Variants in CDH23 observed in about 807,000 individuals in gnomAD.
The protein encoded by CDH23 is cadherin related 23, also known as cadherin-23.
CDH23 carries 189 observed loss-of-function variants against 317.1 expected under a neutral mutation model. The observed-to-expected ratio is 0.60, with a 90% CI of 0.53 to 0.67. CDH23 has a LOEUF of 0.67. CDH23 is among the 30% of genes least tolerant of loss of function. The pLI, the probability that CDH23 is intolerant of heterozygous loss-of-function variation, is 0.00. For synonymous variants in CDH23, 1,839 were observed against 1,876.8 expected, an observed-to-expected ratio of 0.98 and a Z score of 0.52; for missense variants, 4,401 against 4,592.4, an observed-to-expected ratio of 0.96 and a Z score of 1.20.
chr10:71,712,593 T>A, intron 27 of CDH23, 72 bp from the exon 28 acceptor site: 2 of 1,562,974 alleles, frequency 1.3e-6, no homozygotes, highest in African/African-American at 1.4e-5. Flanking sequence ...TGCCCGGGAG[T>A]GTGCAAAGTC....
At chr10:71,686,246 G>A (rs1430292358) in intron 18 of CDH23, among the ~76,000 whole-genome samples, 3 of 151,896 alleles carry the variant, frequency 2.0e-5, no homozygotes, top group African/African-American at 4.8e-5. Flanking sequence ...ACACCGTTTC[G>A]TGCAGCCAAG....
At chr10:71,688,829 G>T (rs1406955448) in intron 19 of CDH23, among the ~76,000 whole-genome samples, 1 of 116,938 alleles carries the variant, frequency 8.6e-6, no homozygotes, top group Non-Finnish European at 1.9e-5. Flanking sequence ...AGCCAGGGGT[G>T]GTGGAGTCAG....
chr10:71,784,323 G>C lies in CDH23; in HGVS notation c.5405G>C (p.Arg1802Thr). Residue 1802 changes from arginine (R) to threonine (T), a missense_variant, in exon 42 of 70, where the codon AGG becomes ACG. Transcript: ENST00000224721. ...FVISPVEGVL[R>T]VRKDVELDRE... is the part of the protein sequence containing the mutation. ...ATCTCTCCTGTGGAGGGGGTGCTAA[G>C]GGTCCGGAAGGACGTGGAGCTGGAC... 6.2e-7 allele frequency: 1 copy of C among 1,613,926 alleles called. No individual in the cohort carries two copies. Among genetic ancestry groups the C allele is most frequent in the Non-Finnish European group, 8.5e-7 (1 of 1,179,818 alleles).
intron 28 of CDH23, 80 bp downstream of exon 28, chr10:71,712,893 G>T (rs1866038414): frequency 6.6e-7 from 1 of 1,524,430 alleles, no homozygotes; most frequent in East Asian, 2.4e-5. Context: ...CACATGCTCA[G>T]TGGCACCAGA....
Position 71,805,896 on chromosome 10 carries a change from A to G in CDH23, c.7963A>G (p.Thr2655Ala). The G allele has an allele frequency of 1.2e-6, 2 of 1,613,722 alleles. No individual in the cohort carries two copies. The highest frequency in any genetic ancestry group is 1.7e-6 in the Non-Finnish European group (2 of 1,179,818). ...NGAVRYSFLK[T>A]AGNRDWEFFI... Reference sequence around the variant, plus strand: ...GGCGGTGCGCTACAGCTTCCTGAAGACTGCGGGCAACCGGGACTGGGAGTT... The same window carrying G: ...GGCGGTGCGCTACAGCTTCCTGAAGGCTGCGGGCAACCGGGACTGGGAGTT... Residue 2655 changes from threonine (T) to alanine (A), a missense_variant, in exon 56 of 70, where the codon ACT becomes GCT. Physicochemically the swap from Thr to Ala is moderately conservative, Grantham distance 58 (BLOSUM62 0). Transcript: ENST00000224721.
chr10:71,662,831 G>A (rs1053457259), intron 14 of CDH23, among the ~76,000 whole-genome samples: 1 of 152,208 alleles, frequency 6.6e-6, no homozygotes, highest in African/African-American at 2.4e-5. Context: ...CTACAGAAAT[G>A]TATTCTCCTG....
chr10:71,728,143 G>T (rs1230370329), intron 30 of CDH23, among the ~76,000 whole-genome samples: 1 of 152,138 alleles, frequency 6.6e-6, no homozygotes, highest in Non-Finnish European at 1.5e-5. Context: ...GGAGTGGTTA[G>T]TTTCTGTTTA....
chr10:71,585,089 A>G (rs903458825), intron 9 of CDH23, among the ~76,000 whole-genome samples: 3 of 152,196 alleles, frequency 2.0e-5, no homozygotes, highest in African/African-American at 7.2e-5. Flanking sequence ...ATCTGCTAAC[A>G]GGCTGTGGCT....
chr10:71,787,050 G>A (rs529229670), intron 44 of CDH23, among the ~76,000 whole-genome samples: 4 of 152,280 alleles, frequency 2.6e-5, no homozygotes, highest in East Asian at 1.9e-4. Context: ...TGAGGTTTGC[G>A]AGTGTGAAGT....
intron 38 of CDH23, among the ~76,000 whole-genome samples, chr10:71,746,880 GC>G (rs1839863955): frequency 6.6e-6 from 1 of 152,210 alleles, no homozygotes; most frequent in Non-Finnish European, 1.5e-5. Flanking sequence ...CCCAGCAGCG[GC>G]CCCGTGACGG....
At chr10:71,631,344 A>G (rs140846574) in intron 11 of CDH23, among the ~76,000 whole-genome samples, 10 of 152,324 alleles carry the variant, frequency 6.6e-5, no homozygotes, top group Non-Finnish European at 1.2e-4. Context: ...GGGCAGCCCC[A>G]GGACACCCTG....
chr10:71,666,891 A>C (rs1419051233), intron 14 of CDH23, among the ~76,000 whole-genome samples: 1 of 152,228 alleles, frequency 6.6e-6, no homozygotes, highest in Non-Finnish European at 1.5e-5. Flanking sequence ...GTGAATGATG[A>C]ATGAGGAAAG....
chr10:71,510,305 T>A (rs757365152), intron 4 of CDH23, 81 bp downstream of exon 4: 27 of 1,516,260 alleles, frequency 1.8e-5, no homozygotes, highest in Non-Finnish European at 2.4e-5. Flanking sequence ...CCGCCATCTT[T>A]TGGCGTCTTC....
At position 71,679,416 on chromosome 10, in the gene CDH23, C is replaced by T. The variant is rs778652757; in HGVS notation, c.1782C>T (p.Asn594=). 1.9e-6 allele frequency: 3 copies of T among 1,610,986 alleles called. No individual in the cohort carries two copies. The highest frequency in any genetic ancestry group is 1.7e-4 in the Middle Eastern group (1 of 6,050). The change falls in exon 17 of 70, where the codon AAC becomes AAT. Residue 594 remains asparagine (N), a synonymous_variant. Transcript: ENST00000224721. ...CAGATGAAGACTCCCCTCCCAACAA[C>T]CAGATCACCTACAGCATTGTCAGTG... is the stretch of plus-strand genomic sequence containing the variant. ...RATDEDSPPN[N]QITYSIVSAS...
chr10:71,661,063 C>T (rs1863626741), intron 14 of CDH23, among the ~76,000 whole-genome samples: 1 of 152,282 alleles, frequency 6.6e-6, no homozygotes, highest in South Asian at 2.1e-4. Flanking sequence ...GACCACACTC[C>T]CATGAAAGGG....
chr10:71,519,046 A>G (rs1308433394), intron 6 of CDH23, among the ~76,000 whole-genome samples: 1 of 152,118 alleles, frequency 6.6e-6, no homozygotes, highest in Non-Finnish European at 1.5e-5. Context: ...TTTTGTTTTA[A>G]TGGTAATAAT....
chr10:71,801,492 G>A (rs552838559), intron 53 of CDH23, among the ~76,000 whole-genome samples: 1 of 152,034 alleles, frequency 6.6e-6, no homozygotes, highest in East Asian at 1.9e-4. Context: ...AGGGCTCCAA[G>A]TCATAACCCC....
intron 1 of CDH23, among the ~76,000 whole-genome samples, chr10:71,401,420 A>T (rs529538167): frequency 5.9e-5 from 9 of 152,102 alleles, no homozygotes; most frequent in Non-Finnish European, 1.2e-4. Context: ...CTGTTCATTG[A>T]CCCAATGGCT....
chr10:71,594,360 C>T (rs201452163), intron 9 of CDH23, among the ~76,000 whole-genome samples: 2 of 148,564 alleles, frequency 1.3e-5, no homozygotes, highest in East Asian at 2.0e-4. Flanking sequence ...TCTCTCCCTC[C>T]CTCTCTCTCT....
Sources: allele counts gnomAD v4.1 joint callset (sites outside exome capture counted in the v4.1 genomes callset), GRCh38; gene constraint gnomAD v4.1.1; transcripts MANE v1.5; gene names NCBI Gene and HGNC (gene_info 2026-07-23, HGNC 2026-07-21).